Variants in ENDOG observed in about 807,000 individuals in gnomAD.
The protein encoded by ENDOG is endonuclease G.
In ENDOG, 22 loss-of-function variants were observed where a neutral mutation model predicts 22.6. The observed-to-expected ratio is 0.97, with a 90% CI of 0.70 to 1.39. The LOEUF (loss-of-function observed/expected upper bound fraction) is 1.39, where lower values mean the gene tolerates loss of function less well. Among genes scored for constraint, ENDOG ranks in the 40% most tolerant of loss-of-function variants. The pLI is 0.00. For synonymous variants in ENDOG, 173 were observed against 200.2 expected (o/e 0.86, Z 1.15); for missense variants, 403 against 431.3 (o/e 0.93, Z 0.58).
At position 128,819,019 on chromosome 9, in the gene ENDOG, A is replaced by C; in HGVS notation, c.335A>C (p.Glu112Ala). Residue 112 changes from glutamate to alanine, a missense_variant, in exon 1 of 3, where the codon GAG (glutamate) becomes GCG (alanine). By Grantham distance (107) the Glu-to-Ala change is moderately radical. Transcript: ENST00000372642. ...ERLRGDGDRR[E>A]CDFREDDSVH... ...CTCCGCGGCGACGGCGACCGGCGCGAGTGCGACTTCCGCGAGGACGACTCG... is the reference window on the plus strand; with the variant it reads ...CTCCGCGGCGACGGCGACCGGCGCGCGTGCGACTTCCGCGAGGACGACTCG... 6.7e-7 allele frequency: 1 copy of C among 1,491,312 alleles called. No homozygotes were observed. The highest frequency in any genetic ancestry group is 8.9e-7 in the Non-Finnish European group (1 of 1,128,184). 92.4% of individuals were successfully genotyped at this position (1,491,312 alleles called of 1,614,324 possible).
In ENDOG at chr9:128,822,537, CG is replaced by C. The variant is rs1830142711; in HGVS notation, c.825del (p.Leu276CysfsTer28). On this transcript the variant is annotated frameshift_variant, in exon 3 of 3. Transcript: ENST00000372642. LOFTEE classifies it high-confidence loss of function. ...CCCATCGAGAGCATTGAGCGGGCTT[CG>C]GGGCTGCTCTTTGTGCCAAACATCC... is the stretch of plus-strand genomic sequence containing the variant. ...LVPIESIERA[S>X]GLLFVPNILA... is the part of the protein sequence containing the mutation. 6.4e-7 allele frequency: 1 copy of C among 1,559,214 alleles called. No individual in the cohort carries two copies. The highest frequency in any genetic ancestry group is 1.4e-5 in the African/African-American group (1 of 73,722).
chr9:128,821,154 A>C, intron 2 of ENDOG: 2 of 399,704 alleles, frequency 5.0e-6, no homozygotes, highest in Admixed American at 3.8e-5. Flanking sequence ...CCAATATGGA[A>C]CCCCCCGCAG....
chr9:128,819,293 G>A (rs994768895), intron 1 of ENDOG, 108 bp downstream of exon 1: 9 of 1,357,288 alleles, frequency 6.6e-6, no homozygotes, highest in Middle Eastern at 2.7e-4. Context: ...ACGCGCCCCC[G>A]GTCAGGCATC....
rs767328963 is a variant in ENDOG, at chr9:128,822,569, C to T, written c.853C>T (p.Arg285Trp). 2.4e-5 allele frequency: 38 copies of T among 1,565,928 alleles called. No individual in the cohort carries two copies. Among genetic ancestry groups the T allele is most frequent in the South Asian group, 5.9e-5 (5 of 85,104 alleles). The change falls in exon 3 of 3, where the codon CGG becomes TGG. Residue 285 changes from arginine to tryptophan, a missense_variant. Physicochemically the swap from Arg to Trp is moderately radical, Grantham distance 101. Coordinates refer to ENST00000372642, the MANE Select transcript of ENDOG (RefSeq NM_004435.2). The stretch of plus-strand genomic sequence containing the variant: ...GCTCTTTGTGCCAAACATCCTGGCG[C>T]GGGCAGGCAGCCTCAAGGCCATCAC... ...GLLFVPNILA[R>W]AGSLKAITAG...
chr9:128,822,133 G>A, intron 2 of ENDOG, 195 bp from the exon 3 acceptor site: 1 of 637,992 alleles, frequency 1.6e-6, no homozygotes, highest in Non-Finnish European at 2.7e-6. Context: ...AAGGAAAACA[G>A]AGGGAAAGAG....
In ENDOG at chr9:128,822,327, G is replaced by C; in HGVS notation, c.612-1G>C. The C allele has an allele frequency of 6.2e-7, 1 of 1,613,112 alleles. No homozygotes were observed. The highest frequency in any genetic ancestry group is 8.5e-7 in the Non-Finnish European group (1 of 1,179,614). ...CCACGTGTGCCTGGGTCTGCCCACAGGACAGAGGCTGATGGGAAATCCTAC... is the reference window on the plus strand; with the variant it reads ...CCACGTGTGCCTGGGTCTGCCCACACGACAGAGGCTGATGGGAAATCCTAC... On this transcript the variant is annotated splice_acceptor_variant, in intron 2 of 2. Transcript: ENST00000372642. LOFTEE classifies it high-confidence loss of function.
intron 2 of ENDOG, chr9:128,821,345 G>A (rs574249761): frequency 5.2e-4 from 89 of 169,804 alleles, no homozygotes; most frequent in Non-Finnish European, 9.6e-4. Flanking sequence ...GAGCTCTCAC[G>A]CCTTCCCCAT....
At position 128,821,423 on chromosome 9, in the gene ENDOG, G is replaced by A. The variant is rs1245310901; in HGVS notation, c.611+575G>A. ...GGTCCCCAGTGCACCGAGCTCTCAT[G>A]CCTTCCCCCTGCAGGTCCGCGGTGC... On this transcript the variant is annotated intron_variant, in intron 2 of 2. Transcript: ENST00000372642. 1.3e-5 allele frequency: 2 copies of A among 159,954 alleles called. 1 individual carries two copies. Among genetic ancestry groups the A allele is most frequent in the African/African-American group, 4.9e-5 (2 of 40,576 alleles). The allele number at this position is 159,954 out of a possible 1,614,324, so 9.9% of individuals were successfully genotyped here.
At chr9:128,819,239 G>A (rs1349691997) in intron 1 of ENDOG, 54 bp downstream of exon 1, 5 of 1,406,824 alleles carry the variant, frequency 3.6e-6, no homozygotes, top group African/African-American at 3.1e-5. Flanking sequence ...GCCTGGCCTC[G>A]CGGGGCCTCG....
At chr9:128,821,198 C>G (rs985032230) in intron 2 of ENDOG, 26 of 314,046 alleles carry the variant, frequency 8.3e-5, no homozygotes, top group African/African-American at 5.2e-4. Flanking sequence ...CACCTTCCCC[C>G]CGCAGGTCTG....
In ENDOG at chr9:128,822,342, G is replaced by A; in HGVS notation, c.626G>A (p.Gly209Glu). 1.2e-6 allele frequency: 2 copies of A among 1,613,668 alleles called. No individual in the cohort carries two copies. The highest frequency in any genetic ancestry group is 1.7e-6 in the Non-Finnish European group (2 of 1,179,838). ...TCTGCCCACAGGACAGAGGCTGATG[G>A]GAAATCCTACGTAAAGTACCAGGTC... The part of the protein sequence containing the change: ...PLFLPRTEAD[G>E]KSYVKYQVIG... The change falls in exon 3 of 3, where the codon GGG becomes GAG. Residue 209 changes from glycine (G) to glutamate (E), a missense_variant. Physicochemically the swap from Gly to Glu is moderately conservative, Grantham distance 98 (BLOSUM62 -2). Coordinates refer to ENST00000372642, the MANE Select transcript of ENDOG (RefSeq NM_004435.2).
chr9:128,820,809 A>T lies in ENDOG; in HGVS notation c.572A>T (p.Gln191Leu). The T allele has an allele frequency of 1.9e-6, 3 of 1,612,358 alleles. No individual in the cohort carries two copies. Among genetic ancestry groups the T allele is most frequent in the South Asian group, 1.1e-5 (1 of 90,598 alleles). ...AGCCGCAGCTTGACCCGCAGCTACC[A>T]AAACGTCTATGTCTGCACAGGGCCA... ...KYSRSLTRSYQNVYVCTGPLF... is the reference protein window; with the variant it reads ...KYSRSLTRSYLNVYVCTGPLF... Residue 191 changes from glutamine to leucine, a missense_variant, in exon 2 of 3, where the codon CAA (glutamine) becomes CTA (leucine). Physicochemically the swap from Gln to Leu is moderately radical, Grantham distance 113. Transcript: ENST00000372642.
At chr9:128,820,356 C>T (rs755214493) in intron 1 of ENDOG, 1 of 201,402 alleles carries the variant, frequency 5.0e-6, no homozygotes, top group African/African-American at 2.3e-5. Flanking sequence ...GCATTCCCCG[C>T]TAGGCTCTTC....
chr9:128,818,537 G>A lies in ENDOG; in HGVS notation c.-148G>A. The A allele has an allele frequency of 2.1e-6, 2 of 938,090 alleles. No individual in the cohort carries two copies. Among genetic ancestry groups the A allele is most frequent in the Non-Finnish European group, 2.6e-6 (2 of 768,470 alleles). 58.1% of individuals were successfully genotyped at this position (938,090 alleles called of 1,614,324 possible). ...GCTCTGCTGCTCCCTTCTGGGTTCC[G>A]AGGCCCAAGCCCTTGGCAGTGTTTG... is the stretch of plus-strand genomic sequence containing the variant. On this transcript the variant is annotated 5_prime_UTR_variant, in exon 1 of 3. Coordinates refer to ENST00000372642, the MANE Select transcript of ENDOG (RefSeq NM_004435.2).
In ENDOG at chr9:128,818,708, G is replaced by C. The variant is rs1314662254; in HGVS notation, c.24G>C (p.Leu8=). 3.4e-6 allele frequency: 4 copies of C among 1,170,528 alleles called. No individual in the cohort carries two copies. Among genetic ancestry groups the C allele is most frequent in the Non-Finnish European group, 4.2e-6 (4 of 948,938 alleles). 72.5% of individuals were successfully genotyped at this position (1,170,528 alleles called of 1,614,324 possible). ...CCATGCGGGCGCTGCGGGCCGGCCT[G>C]ACCCTGGCGTCGGGCGCGGGGCTGG... MRALRAG[L]TLASGAGLGA... Residue 8 remains leucine (L), a synonymous_variant, in exon 1 of 3, where the codon CTG becomes CTC. Transcript: ENST00000372642.
In ENDOG at chr9:128,818,941, AC is replaced by A. The variant is rs1329055435; in HGVS notation, c.260del (p.Pro87ArgfsTer75). On this transcript the variant is annotated frameshift_variant, in exon 1 of 3. Coordinates refer to ENST00000372642, the MANE Select transcript of ENDOG (RefSeq NM_004435.2). LOFTEE classifies it high-confidence loss of function. ...KSRESYVLCY[D>X]PRTRGALWVV... is the part of the protein sequence containing the mutation. Reference sequence around the variant, plus strand: ...CGCGAGTCGTACGTGCTGTGCTACGACCCGCGCACCCGCGGCGCGCTCTGGG... The same window carrying A: ...CGCGAGTCGTACGTGCTGTGCTACGACCGCGCACCCGCGGCGCGCTCTGGG... 4 of 1,492,114 alleles carry A rather than the reference AC, an allele frequency of 2.7e-6. No homozygotes were observed. The East Asian group carries it at 8.5e-5, about 32-fold the overall frequency. The allele number at this position is 1,492,114 out of a possible 1,614,324, so 92.4% of individuals were successfully genotyped here.
chr9:128,821,805 C>G (rs1830124042), intron 2 of ENDOG: 1 of 167,062 alleles, frequency 6.0e-6, no homozygotes, highest in Non-Finnish European at 1.3e-5. Context: ...TCCCCAGGGC[C>G]TGGTCCATGG....
At chr9:128,820,430 C>A in intron 1 of ENDOG, 1 of 325,932 alleles carries the variant, frequency 3.1e-6, no homozygotes, top group Non-Finnish European at 5.7e-6. Context: ...CCCAGGAGAC[C>A]CTGGGTGGGG....
At position 128,822,449 on chromosome 9, in the gene ENDOG, C is replaced by G. The variant is rs752642388; in HGVS notation, c.733C>G (p.Arg245Gly). The change falls in exon 3 of 3, where the codon CGC becomes GGC. Residue 245 changes from arginine to glycine, a missense_variant. Coordinates refer to ENST00000372642, the MANE Select transcript of ENDOG (RefSeq NM_004435.2). ...LEAAGGQIEL[R>G]TYVMPNAPVD... ...GGCAGCAGGTGGGCAAATTGAGCTC[C>G]GCACCTACGTGATGCCCAACGCACC... is the stretch of plus-strand genomic sequence containing the variant. 1.9e-6 allele frequency: 3 copies of G among 1,587,588 alleles called. No individual in the cohort carries two copies. In the South Asian group the frequency reaches 3.4e-5, roughly 18 times the overall value.
Sources: allele counts gnomAD v4.1 joint callset, GRCh38; gene constraint gnomAD v4.1.1; transcripts MANE v1.5; gene names NCBI Gene and HGNC (gene_info 2026-07-23, HGNC 2026-07-21).